MAGI1: variants seen among roughly 807,000 people sequenced by gnomAD.
MAGI1 encodes membrane associated guanylate kinase, WW and PDZ domain containing 1.
A neutral mutation model predicts 139.9 loss-of-function variants in MAGI1; 58 were observed. The ratio of observed to expected loss-of-function variants is 0.41; its 90% confidence interval spans 0.34 to 0.52. The LOEUF (loss-of-function observed/expected upper bound fraction) is 0.52, where lower values mean the gene tolerates loss of function less well. MAGI1 is among the 20% of genes least tolerant of loss of function. The pLI, the probability that MAGI1 is intolerant of heterozygous loss-of-function variation, is 0.12. For missense variants in MAGI1, 1,874 were observed against 1,901.6 expected (o/e 0.99, Z 0.27); for synonymous variants, 812 against 737.9 (o/e 1.10, Z -1.63).
chr3:65,815,084 C>T (rs967367674), intron 1 of MAGI1, among the ~76,000 whole-genome samples: 1 of 152,136 alleles, frequency 6.6e-6, no homozygotes, highest in Non-Finnish European at 1.5e-5. Context: ...CCATGAGAGC[C>T]CCTTCTCTAG....
rs903532696 is a variant in MAGI1, at chr3:65,741,862, TGCAGACAGTTAATCCCCACGAC to T, written c.314-119796_314-119775del. On this transcript the variant is annotated intron_variant, in intron 1 of 22. Transcript: ENST00000402939. ...ACGAACATGGAGACCCAATCCAGGC[TGCAGACAGTTAATCCCCACGAC>T]CAATTTTAATCACCCATTCATTCAA... Among the ~76,000 whole-genome samples, 24 of 152,342 alleles carry T rather than the reference TGCAGACAGTTAATCCCCACGAC, an allele frequency of 1.6e-4. 1 individual carries two copies. The highest frequency in any genetic ancestry group is 4.8e-4 in the African/African-American group (20 of 41,586).
chr3:65,860,669 T>C (rs1304335554), intron 1 of MAGI1, among the ~76,000 whole-genome samples: 1 of 152,144 alleles, frequency 6.6e-6, no homozygotes, highest in East Asian at 1.9e-4. Flanking sequence ...GTCCTCCCCG[T>C]GGCAGCCAGT....
chr3:65,686,941 A>G (rs1262405887), intron 1 of MAGI1, among the ~76,000 whole-genome samples: 1 of 152,222 alleles, frequency 6.6e-6, no homozygotes, highest in East Asian at 1.9e-4. Flanking sequence ...ACGGTAGCCC[A>G]TTCGATGAAT....
At chr3:65,959,276 T>C (rs1353819281) in intron 1 of MAGI1, among the ~76,000 whole-genome samples, 2 of 152,216 alleles carry the variant, frequency 1.3e-5, no homozygotes, top group Non-Finnish European at 2.9e-5. Context: ...TCCTTTGTCT[T>C]CTACTCCCTT....
At chr3:65,687,448 T>C in intron 1 of MAGI1, 1 of 387,626 alleles carries the variant, frequency 2.6e-6, no homozygotes, top group South Asian at 2.3e-5. Context: ...CAACACCTGA[T>C]GCAACTTCCT....
At chr3:65,483,195 C>G (rs1951398393) in intron 3 of MAGI1, among the ~76,000 whole-genome samples, 1 of 152,208 alleles carries the variant, frequency 6.6e-6, no homozygotes, top group African/African-American at 2.4e-5. Context: ...GACAAAAACT[C>G]TGGCTGTCTT....
intron 1 of MAGI1, among the ~76,000 whole-genome samples, chr3:66,019,857 T>C (rs1451461304): frequency 1.3e-5 from 2 of 152,168 alleles, no homozygotes; most frequent in Non-Finnish European, 2.9e-5. Context: ...TGGGGATCAG[T>C]TGGTTACTTG....
chr3:65,901,426 T>C (rs185478464), intron 1 of MAGI1, among the ~76,000 whole-genome samples: 5 of 152,352 alleles, frequency 3.3e-5, no homozygotes, highest in Non-Finnish European at 7.3e-5. Flanking sequence ...TGTTTTAGTA[T>C]CTGTGAATAC....
At chr3:65,733,971 T>C (rs796488601) in intron 1 of MAGI1, among the ~76,000 whole-genome samples, 21 of 152,316 alleles carry the variant, frequency 1.4e-4, no homozygotes, top group African/African-American at 4.6e-4. Context: ...TGAGTGTTAC[T>C]TTTCTCCATC....
At chr3:65,940,666 T>A (rs1364148418) in intron 1 of MAGI1, among the ~76,000 whole-genome samples, 1 of 152,212 alleles carries the variant, frequency 6.6e-6, no homozygotes, top group Non-Finnish European at 1.5e-5. Flanking sequence ...TCCCATTACT[T>A]TTCTACTGAG....
intron 1 of MAGI1, among the ~76,000 whole-genome samples, chr3:66,035,233 CACAG>C (rs2068851935): frequency 6.6e-6 from 1 of 152,192 alleles, no homozygotes; most frequent in Non-Finnish European, 1.5e-5. Context: ...CCAGTCCTGT[CACAG>C]ACAGTTTTGG....
chr3:65,973,176 A>C (rs2065091746), intron 1 of MAGI1, among the ~76,000 whole-genome samples: 1 of 152,080 alleles, frequency 6.6e-6, no homozygotes, highest in African/African-American at 2.4e-5. Context: ...AATAAAATAT[A>C]AAATAAAATA....
intron 1 of MAGI1, among the ~76,000 whole-genome samples, chr3:65,792,716 CA>C (rs2039871930): frequency 6.6e-6 from 1 of 152,012 alleles, no homozygotes; most frequent in African/African-American, 2.4e-5. Context: ...ATTCACGTTC[CA>C]GGGAGAATCT....
intron 1 of MAGI1, among the ~76,000 whole-genome samples, chr3:65,815,708 A>G (rs2041557860): frequency 6.6e-6 from 1 of 152,110 alleles, no homozygotes; most frequent in Non-Finnish European, 1.5e-5. Flanking sequence ...TATATCATAA[A>G]ATATATTTTT....
chr3:65,821,284 T>C (rs1037927041), intron 1 of MAGI1, among the ~76,000 whole-genome samples: 2 of 152,114 alleles, frequency 1.3e-5, no homozygotes, highest in African/African-American at 2.4e-5. Flanking sequence ...CTCCCCAAGA[T>C]TGAATCATTC....
At chr3:65,383,701 A>ACCACCATTCTTGTCCT in intron 14 of MAGI1, 78 bp from the exon 15 acceptor site, 2 of 888,824 alleles carry the variant, frequency 2.3e-6, no homozygotes, top group Non-Finnish European at 3.8e-6. Context: ...ACACAGTTGC[A>ACCACCATTCTTGTCCT]GGACAAGAAT....
chr3:65,914,649 G>A lies in MAGI1; in HGVS notation c.313+123347C>T, dbSNP rs532460394. On this transcript the variant is annotated intron_variant, in intron 1 of 22. Transcript: ENST00000402939. ...GCTCTGGGAAGGCCACCATCCTTAAGAGGATTTGAGCCTAATGTTCGACAA... is the reference window on the plus strand; with the variant it reads ...GCTCTGGGAAGGCCACCATCCTTAAAAGGATTTGAGCCTAATGTTCGACAA... Among the ~76,000 whole-genome samples the A allele has an allele frequency of 3.3e-5, 5 of 152,290 alleles. No homozygotes were observed. The East Asian group carries it at 9.7e-4, about 29-fold the overall frequency.
chr3:65,625,750 A>T (rs189008019), intron 1 of MAGI1, among the ~76,000 whole-genome samples: 41 of 152,296 alleles, frequency 2.7e-4, no homozygotes, highest in Non-Finnish European at 5.4e-4. Context: ...TGCAAACCAA[A>T]TTTATTCTAT....
At chr3:65,922,086 T>A (rs1404157197) in intron 1 of MAGI1, among the ~76,000 whole-genome samples, 1 of 152,200 alleles carries the variant, frequency 6.6e-6, no homozygotes, top group African/African-American at 2.4e-5. Context: ...CCATCACTCA[T>A]TTAACCTTCA....
Sources: gnomAD v4.1 joint callset for allele counts (sites outside exome capture counted in the v4.1 genomes callset) on GRCh38, gnomAD v4.1.1 for gene constraint, MANE v1.5 for transcripts, NCBI Gene and HGNC (gene_info 2026-07-23, HGNC 2026-07-21) for gene names.